Variants in TTC23 observed in about 807,000 individuals in gnomAD.
TTC23 encodes the protein tetratricopeptide repeat protein 23.
A neutral mutation model predicts 55.1 loss-of-function variants in TTC23; 58 were observed. The observed-to-expected ratio is 1.05, with a 90% CI of 0.85 to 1.31. TTC23 has a LOEUF of 1.31. TTC23 is among the 50% of genes most tolerant of loss of function. The pLI is 0.00. For synonymous variants in TTC23, 203 were observed against 199.9 expected (o/e 1.02, Z -0.13); for missense variants, 516 against 534.4 (o/e 0.97, Z 0.34).
At chr15:99,144,964 A>G (rs1555492268) in intron 12 of TTC23, 1 of 152,264 alleles carries the variant, frequency 6.6e-6, no homozygotes, top group East Asian at 1.9e-4. Context: ...AAGCCTTACT[A>G]CGTGGAAGCG....
chr15:99,156,924 G>C (rs1470069303), intron 11 of TTC23, among the ~76,000 whole-genome samples: 1 of 152,156 alleles, frequency 6.6e-6, no homozygotes, highest in Non-Finnish European at 1.5e-5. Context: ...AGCTGACATG[G>C]ATCAGTCCTC....
intron 12 of TTC23, chr15:99,148,572 G>A (rs2069279904): frequency 6.6e-6 from 1 of 152,030 alleles, no homozygotes; most frequent in Non-Finnish European, 1.5e-5. Context: ...ACTGAACCCT[G>A]CTGAAGATAG....
intron 4 of TTC23, among the ~76,000 whole-genome samples, chr15:99,231,759 TGG>T (rs1187105485): frequency 6.6e-6 from 1 of 152,118 alleles, no homozygotes; most frequent in African/African-American, 2.4e-5. Flanking sequence ...CCCAAAGTGC[TGG>T]GATTACGGGC....
At chr15:99,214,528 A>AAAG in intron 8 of TTC23, among the ~76,000 whole-genome samples, 1 of 137,802 alleles carries the variant, frequency 7.3e-6, no homozygotes, top group Non-Finnish European at 1.6e-5. Flanking sequence ...AAAAAAAAAG[A>AAAG]GATCCTCCCA....
At chr15:99,243,473 A>G (rs986652292) in intron 2 of TTC23, among the ~76,000 whole-genome samples, 1 of 152,222 alleles carries the variant, frequency 6.6e-6, no homozygotes, top group Non-Finnish European at 1.5e-5. Context: ...GAACTACCAT[A>G]TGATCCAGCA....
chr15:99,207,630 G>A (rs2076728675), intron 8 of TTC23, among the ~76,000 whole-genome samples: 1 of 152,158 alleles, frequency 6.6e-6, no homozygotes, highest in Non-Finnish European at 1.5e-5. Context: ...GGTGGCATGT[G>A]CCTGTAATCC....
rs76303561 is a variant in TTC23, at chr15:99,212,048, G to A, written c.581+6540C>T. Among the ~76,000 whole-genome samples the A allele has an allele frequency of 3.2e-3, 484 of 152,252 alleles. 2 individuals carry two copies. The highest frequency in any genetic ancestry group is 8.2e-3 in the African/African-American group (342 of 41,546). Reference sequence around the variant, plus strand: ...CACTGCTTAGAAATACTTGGGAGGCGTCTTGTTGATGCTCTGAGGAAATAA... The same window carrying A: ...CACTGCTTAGAAATACTTGGGAGGCATCTTGTTGATGCTCTGAGGAAATAA... On this transcript the variant is annotated intron_variant, in intron 8 of 13. Transcript: ENST00000394132.
At chr15:99,180,368 T>C (rs933421496) in intron 9 of TTC23, among the ~76,000 whole-genome samples, 43 of 151,042 alleles carry the variant, frequency 2.8e-4, no homozygotes, top group Admixed American at 2.0e-4. Context: ...ACAAAACTCA[T>C]CCACAAGACC....
At position 99,178,737 on chromosome 15, in the gene TTC23, G is replaced by C. The variant is rs569308855; in HGVS notation, c.760-3582C>G. Among the ~76,000 whole-genome samples the C allele has an allele frequency of 9.8e-5, 15 of 152,320 alleles. No homozygotes were observed. In the South Asian group the frequency reaches 2.7e-3, roughly 27 times the overall value. ...TTTCCCAAGATTTCAGTATGCATGA[G>C]ATTGGCCTGTACTCAATCAGGCAGG... On this transcript the variant is annotated intron_variant, in intron 9 of 13. Coordinates refer to ENST00000394132, the MANE Select transcript of TTC23 (RefSeq NM_001288615.3).
intron 12 of TTC23, among the ~76,000 whole-genome samples, chr15:99,147,904 G>T (rs1293880582): frequency 6.6e-6 from 1 of 152,048 alleles, no homozygotes; most frequent in Admixed American, 6.5e-5. Context: ...TATGCTAAAG[G>T]GAAAGTAAAA....
intron 13 of TTC23, 50 bp from the exon 14 acceptor site, chr15:99,138,177 C>A: frequency 6.2e-7 from 1 of 1,601,518 alleles, no homozygotes; most frequent in Non-Finnish European, 8.5e-7. Context: ...CAGCCCCCCA[C>A]ACCGTTCCCA....
At chr15:99,141,403 A>G (rs771566826) in intron 12 of TTC23, among the ~76,000 whole-genome samples, 15 of 152,186 alleles carry the variant, frequency 9.9e-5, no homozygotes, top group Non-Finnish European at 2.1e-4. Context: ...GAGCATGGGA[A>G]TGATATCAAA....
At chr15:99,230,659 G>A (rs565677823) in intron 4 of TTC23, among the ~76,000 whole-genome samples, 2 of 152,210 alleles carry the variant, frequency 1.3e-5, no homozygotes, top group South Asian at 4.2e-4. Flanking sequence ...GATGATAACA[G>A]ATTTCTTAGG....
intron 10 of TTC23, among the ~76,000 whole-genome samples, 176 bp downstream of exon 10, chr15:99,174,874 C>T (rs1190075005): frequency 6.6e-6 from 1 of 151,594 alleles, no homozygotes; most frequent in East Asian, 1.9e-4. Flanking sequence ...GGAGAGAAAC[C>T]AAAGGACTCA....
intron 2 of TTC23, 79 bp from the exon 3 acceptor site, chr15:99,241,638 G>T (rs1308825851): frequency 6.6e-6 from 1 of 152,388 alleles, no homozygotes; most frequent in Non-Finnish European, 1.5e-5. Flanking sequence ...TGGAGTCTCA[G>T]TCTTCCAAGT....
At chr15:99,202,028 G>A (rs2076242163) in intron 8 of TTC23, among the ~76,000 whole-genome samples, 1 of 152,132 alleles carries the variant, frequency 6.6e-6, no homozygotes, top group South Asian at 2.1e-4. Context: ...AGTTTTATTG[G>A]CACAATGCCA....
chr15:99,197,287 A>G (rs1263055348), intron 9 of TTC23, among the ~76,000 whole-genome samples: 1 of 151,838 alleles, frequency 6.6e-6, no homozygotes, highest in Admixed American at 6.6e-5. Flanking sequence ...TATTGTTAGT[A>G]GAGATGGGGT....
intron 3 of TTC23, among the ~76,000 whole-genome samples, chr15:99,240,142 C>T (rs562035702): frequency 2.6e-5 from 4 of 152,264 alleles, no homozygotes; most frequent in African/African-American, 2.4e-5. Context: ...ATAGATTTAA[C>T]TATATTTTCT....
At chr15:99,230,442 A>G (rs1026821109) in intron 4 of TTC23, among the ~76,000 whole-genome samples, 3 of 152,188 alleles carry the variant, frequency 2.0e-5, no homozygotes, top group Non-Finnish European at 4.4e-5. Flanking sequence ...ATATTTGAAG[A>G]AATAATGGCC....
Sources: gnomAD v4.1 joint callset for allele counts (sites outside exome capture counted in the v4.1 genomes callset) on GRCh38, gnomAD v4.1.1 for gene constraint, MANE v1.5 for transcripts, NCBI Gene and HGNC (gene_info 2026-07-23, HGNC 2026-07-21) for gene names.